The following CA10 variants were observed in gnomAD, a reference collection of about 807,000 sequenced individuals.
CA10 encodes carbonic anhydrase-related protein 10.
In CA10, 14 loss-of-function variants were observed where a neutral mutation model predicts 44.2. The ratio of observed to expected loss-of-function variants is 0.32; its 90% confidence interval spans 0.21 to 0.50. CA10 has a LOEUF of 0.50. Among genes scored for constraint, CA10 ranks in the 20% least tolerant of loss-of-function variants. The pLI, the probability that CA10 is intolerant of heterozygous loss-of-function variation, is 0.99. For synonymous variants in CA10, 159 were observed against 141.6 expected, an observed-to-expected ratio of 1.12 and a Z score of -0.87; for missense variants, 350 against 409.7, an observed-to-expected ratio of 0.85 and a Z score of 1.26.
chr17:51,729,339 T>G lies in CA10; in HGVS notation c.465+18294A>C, dbSNP rs539289010. On this transcript the variant is annotated intron_variant, in intron 4 of 8. Coordinates refer to ENST00000451037, the MANE Select transcript of CA10 (RefSeq NM_020178.5). ...CATCTTTTCAGATGCTTAAACTTTT[T>G]TGTGTGTGTGTGTGTATCACCACAC... 1.1e-3 allele frequency among the ~76,000 whole-genome samples: 167 copies of G among 152,086 alleles called. 2 individuals are homozygous for G. The highest frequency in any genetic ancestry group is 3.3e-3 in the African/African-American group (136 of 41,502).
chr17:51,947,592 T>G (rs1239433612), intron 2 of CA10, among the ~76,000 whole-genome samples: 1 of 152,190 alleles, frequency 6.6e-6, no homozygotes, highest in Non-Finnish European at 1.5e-5. Flanking sequence ...CTGTTGGAGC[T>G]AGGGTGAAAC....
Position 51,635,877 on chromosome 17 carries a change from G to C in CA10, c.767C>G (p.Pro256Arg). 1 of 1,604,772 alleles carries C rather than the reference G, an allele frequency of 6.2e-7. No individual in the cohort carries two copies. The highest frequency in any genetic ancestry group is 8.5e-7 in the Non-Finnish European group (1 of 1,174,462). Residue 256 changes from proline to arginine, a missense_variant, in exon 7 of 9, where the codon CCT becomes CGT. Pro to Arg is a moderately radical substitution (Grantham distance 103, BLOSUM62 -2). Coordinates refer to ENST00000451037, the MANE Select transcript of CA10 (RefSeq NM_020178.5). ...CACCTGCATCCTGGTTATATAGACA[G>C]GTTTGTTCATTATGATCCAACTTGC... Reference protein sequence around the residue: ...ETASWIIMNKPVYITRMQMHS... With the variant: ...ETASWIIMNKRVYITRMQMHS...
At chr17:51,758,483 A>T (rs1282472608) in intron 3 of CA10, among the ~76,000 whole-genome samples, 1 of 152,176 alleles carries the variant, frequency 6.6e-6, no homozygotes, top group East Asian at 1.9e-4. Context: ...CAACCCAAGG[A>T]TACCATGGGC....
At chr17:52,120,916 T>C (rs1460523666) in intron 1 of CA10, among the ~76,000 whole-genome samples, 2 of 152,194 alleles carry the variant, frequency 1.3e-5, no homozygotes, top group Non-Finnish European at 2.9e-5. Flanking sequence ...TTCCTTGTTG[T>C]GAGACAAGGA....
intron 2 of CA10, among the ~76,000 whole-genome samples, chr17:52,001,981 A>G (rs1269022262): frequency 6.6e-6 from 1 of 151,954 alleles, no homozygotes; most frequent in African/African-American, 2.4e-5. Context: ...TAGGTCAAAA[A>G]TAAGGAGGGG....
intron 1 of CA10, among the ~76,000 whole-genome samples, chr17:52,078,017 A>G (rs568125892): frequency 2.2e-4 from 33 of 152,340 alleles, no homozygotes; most frequent in African/African-American, 7.7e-4. Flanking sequence ...ACTGACCACA[A>G]ATACAGGCAT....
At chr17:52,016,422 A>G (rs1395331736) in intron 2 of CA10, among the ~76,000 whole-genome samples, 1 of 152,126 alleles carries the variant, frequency 6.6e-6, no homozygotes, top group Non-Finnish European at 1.5e-5. Context: ...TATTCATTGC[A>G]TTGATTGCAA....
At chr17:51,631,893 G>T (rs1912597799) in intron 8 of CA10, among the ~76,000 whole-genome samples, 1 of 152,276 alleles carries the variant, frequency 6.6e-6, no homozygotes, top group Admixed American at 6.5e-5. Flanking sequence ...CCCATCCAAT[G>T]TTCAATAGCC....
chr17:51,984,768 G>T (rs1984772003), intron 2 of CA10, among the ~76,000 whole-genome samples: 2 of 151,898 alleles, frequency 1.3e-5, no homozygotes, highest in Non-Finnish European at 2.9e-5. Context: ...TAGATGAGAT[G>T]AATAAGTTCC....
At chr17:51,848,460 G>A (rs1302918942) in intron 3 of CA10, among the ~76,000 whole-genome samples, 1 of 152,188 alleles carries the variant, frequency 6.6e-6, no homozygotes, top group East Asian at 1.9e-4. Flanking sequence ...CATTCAGCAA[G>A]CCTCCAATCT....
At chr17:51,717,529 G>GTATATATA (rs3031848) in intron 4 of CA10, among the ~76,000 whole-genome samples, 73 of 50,180 alleles carry the variant, frequency 1.5e-3, no homozygotes, top group African/African-American at 3.9e-3. Flanking sequence ...AAAGAAACTG[G>GTATATATA]TATATATATA....
intron 1 of CA10, among the ~76,000 whole-genome samples, chr17:52,143,540 C>T (rs1424036896): frequency 6.6e-6 from 1 of 151,992 alleles, no homozygotes; most frequent in East Asian, 1.9e-4. Context: ...ATAAAATAAT[C>T]CAGTGGGAAC....
At chr17:52,152,312 T>C (rs1272219563) in intron 1 of CA10, among the ~76,000 whole-genome samples, 5 of 152,140 alleles carry the variant, frequency 3.3e-5, no homozygotes, top group African/African-American at 7.2e-5. Flanking sequence ...TGAATAACCA[T>C]ATTAGGACAC....
At chr17:52,088,684 A>C (rs1988182705) in intron 1 of CA10, among the ~76,000 whole-genome samples, 1 of 152,194 alleles carries the variant, frequency 6.6e-6, no homozygotes, top group Admixed American at 6.5e-5. Flanking sequence ...ACTTCAAAAT[A>C]GGCATTTTCC....
intron 3 of CA10, among the ~76,000 whole-genome samples, chr17:51,814,393 A>G (rs1907488136): frequency 6.6e-6 from 1 of 152,180 alleles, no homozygotes; most frequent in African/African-American, 2.4e-5. Flanking sequence ...GGCATTTTAT[A>G]TAAAATGTGT....
At chr17:52,094,632 G>A (rs1988358084) in intron 1 of CA10, among the ~76,000 whole-genome samples, 1 of 152,084 alleles carries the variant, frequency 6.6e-6, no homozygotes, top group Non-Finnish European at 1.5e-5. Context: ...ACTTAATAGG[G>A]AAAAGACGAA....
At chr17:51,645,287 C>A (rs1913278243) in intron 6 of CA10, among the ~76,000 whole-genome samples, 1 of 152,212 alleles carries the variant, frequency 6.6e-6, no homozygotes, top group Non-Finnish European at 1.5e-5. Context: ...CAGATGATGT[C>A]ACTCTGCTTA....
chr17:51,999,136 T>C (rs929782833), intron 2 of CA10, among the ~76,000 whole-genome samples: 1 of 152,048 alleles, frequency 6.6e-6, no homozygotes, highest in African/African-American at 2.4e-5. Context: ...AAAAAGAAGA[T>C]AGTACTTTTT....
At chr17:51,892,001 G>A (rs556694586) in intron 3 of CA10, among the ~76,000 whole-genome samples, 10 of 152,230 alleles carry the variant, frequency 6.6e-5, no homozygotes, top group Non-Finnish European at 1.5e-4. Context: ...CCAGGGAAAA[G>A]GTAACTATGA....
Sources: allele counts gnomAD v4.1 joint callset (sites outside exome capture counted in the v4.1 genomes callset), GRCh38; gene constraint gnomAD v4.1.1; transcripts MANE v1.5; gene names NCBI Gene and HGNC (gene_info 2026-07-23, HGNC 2026-07-21).